Variants in SIPA1L3 observed in about 807,000 individuals in gnomAD.
The protein encoded by SIPA1L3 is signal induced proliferation associated 1 like 3.
Under a neutral mutation model 150.1 loss-of-function variants are expected in SIPA1L3, and 59 were observed. The ratio of observed to expected loss-of-function variants is 0.39; its 90% CI spans 0.32 to 0.49. SIPA1L3 has a LOEUF of 0.49. Among genes scored for constraint, SIPA1L3 ranks in the 20% least tolerant of loss-of-function variants. The pLI is 0.86. For missense variants in SIPA1L3, 2,211 were observed against 2,489.5 expected (o/e 0.89, Z 2.38); for synonymous variants, 1,070 against 1,077.6 (o/e 0.99, Z 0.14).
intron 8 of SIPA1L3, among the ~76,000 whole-genome samples, chr19:38,111,171 C>G (rs1017405086): frequency 1.3e-5 from 2 of 151,722 alleles, no homozygotes; most frequent in Non-Finnish European, 2.9e-5. Flanking sequence ...ACTACAGGTG[C>G]ACACCCCCAT....
rs751137819 is a variant in SIPA1L3, at chr19:38,119,393, A to G, written c.2379A>G (p.Arg793=). Reference sequence around the variant, plus strand: ...CATTCCGCAAATCCGACGTCTTCAGAGACTTCTTGCTGGCCAAGGTGATTA... The same window carrying G: ...CATTCCGCAAATCCGACGTCTTCAGGGACTTCTTGCTGGCCAAGGTGATTA... ...GTTFRKSDVF[R]DFLLAKVINA... Residue 793 remains arginine, a synonymous_variant, in exon 9 of 22, where the codon AGA becomes AGG. Transcript: ENST00000222345. 2 of 1,614,114 alleles carry G rather than the reference A, an allele frequency of 1.2e-6. No individual in the cohort carries two copies. The highest frequency in any genetic ancestry group is 4.5e-5 in the East Asian group (2 of 44,884).
chr19:37,948,747 G>A (rs913143566), intron 1 of SIPA1L3, among the ~76,000 whole-genome samples: 18 of 152,136 alleles, frequency 1.2e-4, no homozygotes, highest in Non-Finnish European at 1.9e-4. Flanking sequence ...GATACATGAC[G>A]TAATGTTATG....
At chr19:38,145,777 C>T (rs1310838612) in intron 12 of SIPA1L3, among the ~76,000 whole-genome samples, 1 of 152,004 alleles carries the variant, frequency 6.6e-6, no homozygotes, top group Non-Finnish European at 1.5e-5. Flanking sequence ...TCACGAGGTG[C>T]CTCATGCTAC....
intron 15 of SIPA1L3, among the ~76,000 whole-genome samples, chr19:38,167,826 A>G (rs1233625523): frequency 6.6e-6 from 1 of 152,116 alleles, no homozygotes; most frequent in Admixed American, 6.6e-5. Flanking sequence ...CGGCCTCTCA[A>G]AATGCTGGGA....
At chr19:37,911,115 TC>T (rs1169413623) in intron 1 of SIPA1L3, among the ~76,000 whole-genome samples, 5 of 152,192 alleles carry the variant, frequency 3.3e-5, no homozygotes, top group African/African-American at 1.2e-4. Context: ...ACAGTGAGTA[TC>T]TATTAAGTAT....
intron 10 of SIPA1L3, among the ~76,000 whole-genome samples, chr19:38,136,322 G>A (rs1344295980): frequency 1.3e-5 from 2 of 151,882 alleles, no homozygotes; most frequent in Non-Finnish European, 2.9e-5. Context: ...AAAATTCAAG[G>A]GCCAGACGCA....
intron 15 of SIPA1L3, among the ~76,000 whole-genome samples, chr19:38,165,168 T>C (rs1972182787): frequency 6.6e-6 from 1 of 152,216 alleles, no homozygotes; most frequent in African/African-American, 2.4e-5. Context: ...TCTCTGACCC[T>C]CTGTCTCTTT....
At chr19:38,113,576 T>A (rs1337055160) in intron 8 of SIPA1L3, among the ~76,000 whole-genome samples, 4 of 150,786 alleles carry the variant, frequency 2.7e-5, no homozygotes, top group African/African-American at 9.8e-5. Flanking sequence ...CCCATTGCAC[T>A]CCAGCCTGGG....
chr19:38,043,271 C>G (rs1054719987), intron 2 of SIPA1L3, among the ~76,000 whole-genome samples: 2 of 152,002 alleles, frequency 1.3e-5, no homozygotes, highest in African/African-American at 4.8e-5. Flanking sequence ...ACCTGGGAGG[C>G]GGAGGTTGCA....
At chr19:37,939,929 A>G (rs1203982681) in intron 1 of SIPA1L3, among the ~76,000 whole-genome samples, 1 of 152,128 alleles carries the variant, frequency 6.6e-6, no homozygotes, top group Non-Finnish European at 1.5e-5. Context: ...TGCCCTCCCC[A>G]CTTTTGGTTC....
At position 38,014,368 on chromosome 19, in the gene SIPA1L3, C is replaced by T. The variant is rs75682110; in HGVS notation, c.-378-14721C>T. On this transcript the variant is annotated intron_variant, in intron 1 of 21. Coordinates refer to ENST00000222345, the MANE Select transcript of SIPA1L3 (RefSeq NM_015073.3). ...GAAGCGTGCAGCACCACCAAATCTGCCACTCATGAGACCAGCACAGAGGAA... is the reference window on the plus strand; with the variant it reads ...GAAGCGTGCAGCACCACCAAATCTGTCACTCATGAGACCAGCACAGAGGAA... Among the ~76,000 whole-genome samples, 364 of 152,172 alleles carry T rather than the reference C, an allele frequency of 2.4e-3. 5 individuals carry two copies. In the East Asian group the frequency reaches 0.037, roughly 16 times the overall value.
chr19:38,182,856 C>T (rs1339772349), intron 16 of SIPA1L3, 116 bp downstream of exon 16: 8 of 762,616 alleles, frequency 1.0e-5, no homozygotes, highest in South Asian at 3.8e-5. Context: ...GGCCAGTGTA[C>T]CAGTGTACAC....
In SIPA1L3 at chr19:38,164,608, G is replaced by T; in HGVS notation, c.3910G>T (p.Gly1304Cys). The change falls in exon 15 of 22, where the codon GGT becomes TGT. Residue 1304 changes from glycine (G) to cysteine (C), a missense_variant. Transcript: ENST00000222345. This position sits in a 1 kb window ranked among gnomAD's most constrained non-coding sequence, Gnocchi z 4.1. ...LEPEQDPLSK[G>C]GSSDSGIDTT... is the part of the protein sequence containing the mutation. ...GCCAGAGCAAGACCCCCTCTCCAAG[G>T]GTGGCTCTAGTGACAGCGGCATCGA... is the stretch of plus-strand genomic sequence containing the variant. 1 of 1,614,092 alleles carries T rather than the reference G, an allele frequency of 6.2e-7. No individual in the cohort carries two copies. Among genetic ancestry groups the T allele is most frequent in the Non-Finnish European group, 8.5e-7 (1 of 1,180,012 alleles).
Position 37,975,233 on chromosome 19 carries a change from G to A in SIPA1L3, c.-378-53856G>A, listed in dbSNP as rs556821822. Among the ~76,000 whole-genome samples, 6 of 152,298 alleles carry A rather than the reference G, an allele frequency of 3.9e-5. 1 individual carries two copies. In the South Asian group the frequency reaches 1.0e-3, roughly 26 times the overall value. On this transcript the variant is annotated intron_variant, in intron 1 of 21. Coordinates refer to ENST00000222345, the MANE Select transcript of SIPA1L3 (RefSeq NM_015073.3). ...ACATACCAAACAGGAAACAGAGAGA[G>A]AGCGAGGAGAGCATATTAATGTGCG...
chr19:38,084,671 G>C (rs1471061111), intron 3 of SIPA1L3, among the ~76,000 whole-genome samples: 4 of 119,166 alleles, frequency 3.4e-5, no homozygotes, highest in Non-Finnish European at 6.4e-5. Flanking sequence ...GTCTCGCTCT[G>C]TCGCCTCGCC....
At chr19:38,129,058 G>A (rs58260561) in intron 9 of SIPA1L3, among the ~76,000 whole-genome samples, 4,419 of 152,220 alleles carry the variant, frequency 0.029, 210 homozygotes, top group African/African-American at 0.1. Flanking sequence ...TTTAGGAAAG[G>A]GCAGGCATTC....
At chr19:38,074,595 GCAAA>G (rs1432110197) in intron 2 of SIPA1L3, among the ~76,000 whole-genome samples, 1 of 152,258 alleles carries the variant, frequency 6.6e-6, no homozygotes, top group Non-Finnish European at 1.5e-5. Context: ...AGGCTCTCAA[GCAAA>G]CAGTCTTGCC....
At chr19:38,129,874 C>T (rs1187917065) in intron 9 of SIPA1L3, among the ~76,000 whole-genome samples, 1 of 152,062 alleles carries the variant, frequency 6.6e-6, no homozygotes, top group Non-Finnish European at 1.5e-5. Flanking sequence ...CAAGACTAGC[C>T]TGGCCAATAT....
rs35422339 is a variant in SIPA1L3 at position 38,008,217 on chromosome 19, C to CTTTTT, written c.-378-20848_-378-20844dup. ...AGAGGTGAGAAATCACCATAGGCTG[C>CTTTTT]TTTTTTTTTTTTTTTTTTTTTTTTT... On this transcript the variant is annotated intron_variant, in intron 1 of 21. Coordinates refer to ENST00000222345, the MANE Select transcript of SIPA1L3 (RefSeq NM_015073.3). Among the ~76,000 whole-genome samples the CTTTTT allele has an allele frequency of 1.2e-3, 60 of 50,126 alleles. 13 individuals carry two copies. The highest frequency in any genetic ancestry group is 3.1e-3 in the South Asian group (3 of 970). The allele number at this position is 50,126 out of a possible 152,430, so 32.9% of individuals were successfully genotyped here.
Sources: gnomAD v4.1 joint callset for allele counts (sites outside exome capture counted in the v4.1 genomes callset) on GRCh38, gnomAD v4.1.1 for gene constraint, Gnocchi (gnomAD v3.1) non-coding constraint, MANE v1.5 for transcripts, NCBI Gene and HGNC (gene_info 2026-07-23, HGNC 2026-07-21) for gene names.